Variants in PUS7 observed in about 807,000 individuals in gnomAD.
PUS7 encodes pseudouridylate synthase 7 homolog.
PUS7 carries 48 observed loss-of-function variants against 79.8 expected under a neutral mutation model. The observed-to-expected ratio is 0.60, with a 90% confidence interval of 0.48 to 0.76. The LOEUF (loss-of-function observed/expected upper bound fraction) is 0.76, where lower values mean the gene tolerates loss of function less well. PUS7 is among the 30% of genes least tolerant of loss of function. PUS7 has a pLI of 0.00. For missense variants in PUS7, 729 were observed against 797.6 expected, an observed-to-expected ratio of 0.91 and a Z score of 1.04; for synonymous variants, 286 against 272.2, an observed-to-expected ratio of 1.05 and a Z score of -0.50.
chr7:105,457,729 G>C lies in PUS7; in HGVS notation c.*61C>G, dbSNP rs1823243380. 16 of 1,551,062 alleles carry C rather than the reference G, an allele frequency of 1.0e-5. No individual in the cohort carries two copies. Among genetic ancestry groups the C allele is most frequent in the Non-Finnish European group, 1.4e-5 (16 of 1,139,234 alleles). ...TATGAGTCTGAACTAAGACAAAAAT[G>C]CACAGGGAGCCAGGAAGCAAACACT... On this transcript the variant is annotated 3_prime_UTR_variant, in exon 16 of 16. Transcript: ENST00000469408.
At chr7:105,469,502 C>T (rs551857328) in intron 11 of PUS7, among the ~76,000 whole-genome samples, 1 of 152,294 alleles carries the variant, frequency 6.6e-6, no homozygotes, top group South Asian at 2.1e-4. Context: ...CTTTGTTGCC[C>T]AGGCTGGAGT....
At chr7:105,482,484 A>G in intron 7 of PUS7, 44 bp from the exon 8 acceptor site, 1 of 1,543,982 alleles carries the variant, frequency 6.5e-7, no homozygotes. Context: ...AAAGAGTAGA[A>G]AGAGGATCAT....
chr7:105,504,582 T>C (rs181882540), intron 4 of PUS7, among the ~76,000 whole-genome samples: 1 of 152,320 alleles, frequency 6.6e-6, no homozygotes, highest in East Asian at 1.9e-4. Flanking sequence ...AGCTTGCCCA[T>C]AGTTTATGCC....
intron 8 of PUS7, among the ~76,000 whole-genome samples, chr7:105,481,936 T>G (rs1289605356): frequency 6.6e-6 from 1 of 152,182 alleles, no homozygotes; most frequent in East Asian, 1.9e-4. Context: ...TTCACCGTAT[T>G]AGCCAGGATG....
At position 105,512,959 on chromosome 7, in the gene PUS7, G is replaced by C. The variant is rs187927711; in HGVS notation, c.-32-4415C>G. 7.2e-5 allele frequency among the ~76,000 whole-genome samples: 11 copies of C among 152,332 alleles called. No homozygotes were observed. In the East Asian group the frequency reaches 1.7e-3, roughly 24 times the overall value. ...GTGGGAGGAAAGGGGAAATACTTCAGGATGACTCAAGTTTCCATCCCTGGG... is the reference window on the plus strand; with the variant it reads ...GTGGGAGGAAAGGGGAAATACTTCACGATGACTCAAGTTTCCATCCCTGGG... On this transcript the variant is annotated intron_variant, in intron 1 of 15. Coordinates refer to ENST00000469408, the MANE Select transcript of PUS7 (RefSeq NM_019042.5).
chr7:105,498,657 A>G (rs1825131012), intron 5 of PUS7, among the ~76,000 whole-genome samples: 1 of 152,234 alleles, frequency 6.6e-6, no homozygotes, highest in South Asian at 2.1e-4. Context: ...ATTCAAGGTC[A>G]TTCCCACCAT....
At chr7:105,504,095 G>A (rs1019506401) in intron 4 of PUS7, among the ~76,000 whole-genome samples, 3 of 141,526 alleles carry the variant, frequency 2.1e-5, no homozygotes, top group Non-Finnish European at 4.6e-5. Context: ...TTGAGACACA[G>A]TTTCACTCTT....
rs375176453 is a variant in PUS7 at position 105,467,557 on chromosome 7, G to A, written c.1525+780C>T. Among the ~76,000 whole-genome samples, 5 of 151,700 alleles carry A rather than the reference G, an allele frequency of 3.3e-5. No homozygotes were observed. In the East Asian group the frequency reaches 7.9e-4, roughly 24 times the overall value. On this transcript the variant is annotated intron_variant, in intron 12 of 15. Coordinates refer to ENST00000469408, the MANE Select transcript of PUS7 (RefSeq NM_019042.5). The stretch of plus-strand genomic sequence containing the variant: ...GCCCGCCTTGGCTCCCAAAGTGCTG[G>A]GATTACAGGTGTGAGCCACTGCGCC...
Position 105,467,539 on chromosome 7 carries a change from T to TC in PUS7, c.1525+797_1525+798insG, listed in dbSNP as rs1319379530. The stretch of plus-strand genomic sequence containing the variant: ...CTCCTGACCTCGTGATCTGCCCGCC[T>TC]TGGCTCCCAAAGTGCTGGGATTACA... On this transcript the variant is annotated intron_variant, in intron 12 of 15. Transcript: ENST00000469408. Among the ~76,000 whole-genome samples, 6 of 151,892 alleles carry TC rather than the reference T, an allele frequency of 4.0e-5. No individual in the cohort carries two copies. The East Asian group carries it at 9.9e-4, about 25-fold the overall frequency.
intron 5 of PUS7, among the ~76,000 whole-genome samples, chr7:105,499,653 T>C (rs972565454): frequency 6.6e-6 from 1 of 152,202 alleles, no homozygotes; most frequent in African/African-American, 2.4e-5. Context: ...AGTTGGTAAT[T>C]TGTGGTGTTT....
chr7:105,492,731 T>G (rs894862641), intron 6 of PUS7, among the ~76,000 whole-genome samples: 1 of 151,764 alleles, frequency 6.6e-6, no homozygotes, highest in African/African-American at 2.4e-5. Context: ...ATGGTCTCGA[T>G]CTCCTGACCT....
At chr7:105,507,029 T>C (rs1825491496) in intron 2 of PUS7, among the ~76,000 whole-genome samples, 1 of 152,150 alleles carries the variant, frequency 6.6e-6, no homozygotes, top group Non-Finnish European at 1.5e-5. Flanking sequence ...ATATGATCCA[T>C]TTAAAAATTT....
chr7:105,490,814 C>T (rs764208272), intron 7 of PUS7, among the ~76,000 whole-genome samples: 6 of 152,166 alleles, frequency 3.9e-5, no homozygotes, highest in East Asian at 1.9e-4. Flanking sequence ...GGTTCCCAAT[C>T]GGGGGCAATT....
chr7:105,467,659 G>A (rs771688519), intron 12 of PUS7, among the ~76,000 whole-genome samples: 2 of 151,844 alleles, frequency 1.3e-5, no homozygotes, highest in Admixed American at 6.6e-5. Flanking sequence ...GACCTAGATC[G>A]AAGTTTCGAA....
Position 105,506,006 on chromosome 7 carries a change from T to C in PUS7, c.534A>G (p.Arg178=). The C allele has an allele frequency of 6.2e-7, 1 of 1,614,020 alleles. No homozygotes were observed. The highest frequency in any genetic ancestry group is 1.6e-4 in the Middle Eastern group (1 of 6,062). The change falls in exon 4 of 16, where the codon CGA becomes CGG. Residue 178 remains arginine (R), a synonymous_variant. Transcript: ENST00000469408. ...TTTTGAACAGCTGGAGCTCTTCCAA[T>C]CGCTGCTTTTCTTCAGCTGTCAAAA... ...FTVLTAEEKQ[R]LEELQLFKNK...
intron 10 of PUS7, among the ~76,000 whole-genome samples, chr7:105,471,438 TAGTG>T (rs1287403975): frequency 6.6e-6 from 1 of 152,216 alleles, no homozygotes; most frequent in Admixed American, 6.5e-5. Flanking sequence ...TCAGATTTAG[TAGTG>T]AGTGAAGAAA....
intron 4 of PUS7, 70 bp from the exon 5 acceptor site, chr7:105,502,634 T>C (rs1562813915): frequency 4.0e-6 from 6 of 1,510,682 alleles, no homozygotes; most frequent in Non-Finnish European, 4.5e-6. Context: ...TACAGTGAAT[T>C]AGTAAAAACA....
chr7:105,520,839 GC>G (rs1031638380), intron 1 of PUS7, among the ~76,000 whole-genome samples: 1 of 151,936 alleles, frequency 6.6e-6, no homozygotes, highest in Admixed American at 6.6e-5. Flanking sequence ...GGAGTTTGAG[GC>G]CAGGCTGGGC....
chr7:105,507,972 G>C, intron 2 of PUS7, 143 bp downstream of exon 2: 2 of 1,116,304 alleles, frequency 1.8e-6, no homozygotes, highest in Non-Finnish European at 2.4e-6. Context: ...ATTCAGGCAG[G>C]TTTCCTTCAT....
Sources: gnomAD v4.1 joint callset for allele counts (sites outside exome capture counted in the v4.1 genomes callset) on GRCh38, gnomAD v4.1.1 for gene constraint, MANE v1.5 for transcripts, NCBI Gene and HGNC (gene_info 2026-07-23, HGNC 2026-07-21) for gene names.